Variants in PIK3AP1 observed in about 807,000 individuals in gnomAD.
The protein encoded by PIK3AP1 is phosphoinositide 3-kinase adapter protein 1.
In PIK3AP1, 21 loss-of-function variants were observed where a neutral mutation model predicts 88.1. The ratio of observed to expected loss-of-function variants is 0.24; its 90% CI spans 0.17 to 0.34. The LOEUF (loss-of-function observed/expected upper bound fraction) is 0.34. PIK3AP1 is among the 10% of genes least tolerant of loss of function. PIK3AP1 has a pLI of 1.00. For missense variants in PIK3AP1, 828 were observed against 1,035.7 expected (o/e 0.80, Z 2.75); for synonymous variants, 398 against 400.0 (o/e 1.00, Z 0.06).
chr10:96,719,564 A>C (rs1277958114), intron 1 of PIK3AP1, among the ~76,000 whole-genome samples: 1 of 152,148 alleles, frequency 6.6e-6, no homozygotes, highest in Non-Finnish European at 1.5e-5. Flanking sequence ...TTTCCTGCCC[A>C]CCATGGAGAA....
At chr10:96,606,377 A>G (rs1186860477) in intron 14 of PIK3AP1, among the ~76,000 whole-genome samples, 1 of 152,214 alleles carries the variant, frequency 6.6e-6, no homozygotes, top group Non-Finnish European at 1.5e-5. Context: ...ACGATGAGCC[A>G]TAATCCTTTT....
At chr10:96,664,270 A>G (rs1843731732) in intron 2 of PIK3AP1, among the ~76,000 whole-genome samples, 1 of 152,266 alleles carries the variant, frequency 6.6e-6, no homozygotes, top group African/African-American at 2.4e-5. Context: ...GCGAAAAAGC[A>G]GGATATAAAA....
intron 8 of PIK3AP1, among the ~76,000 whole-genome samples, chr10:96,636,705 G>T (rs183050540): frequency 6.6e-6 from 1 of 152,292 alleles, no homozygotes; most frequent in Non-Finnish European, 1.5e-5. Context: ...TTTCATTTCA[G>T]CAAAGAAAAA....
intron 10 of PIK3AP1, among the ~76,000 whole-genome samples, chr10:96,625,270 A>T (rs948502265): frequency 6.6e-6 from 1 of 152,160 alleles, no homozygotes; most frequent in Non-Finnish European, 1.5e-5. Flanking sequence ...GAGGGCAGAG[A>T]AGGTGCCAGG....
At chr10:96,696,248 A>T (rs1470561179) in intron 2 of PIK3AP1, among the ~76,000 whole-genome samples, 1 of 152,236 alleles carries the variant, frequency 6.6e-6, no homozygotes, top group Non-Finnish European at 1.5e-5. Context: ...TGAAAATTTT[A>T]AAAGTCCCCA....
chr10:96,612,950 G>GTGTGTGTATATA (rs1481031378), intron 13 of PIK3AP1, among the ~76,000 whole-genome samples: 1 of 59,682 alleles, frequency 1.7e-5, no homozygotes, highest in African/African-American at 7.8e-5. Flanking sequence ...GTGTGTGTGT[G>GTGTGTGTATATA]TATATATATA....
intron 2 of PIK3AP1, among the ~76,000 whole-genome samples, chr10:96,702,085 T>C (rs1844304864): frequency 6.6e-6 from 1 of 152,150 alleles, no homozygotes. Flanking sequence ...CTCACTTATA[T>C]GTGGAATCCA....
At chr10:96,620,306 A>C (rs781572163) in intron 12 of PIK3AP1, 46 bp downstream of exon 12, 1 of 1,590,982 alleles carries the variant, frequency 6.3e-7, no homozygotes. Flanking sequence ...CTCTACTGTC[A>C]AGTGGGGAAA....
In PIK3AP1 at chr10:96,629,971, AAAG is replaced by A. The variant is rs372132614; in HGVS notation, c.1376-1481_1376-1479del. On this transcript the variant is annotated intron_variant, in intron 8 of 16. Coordinates refer to ENST00000339364, the MANE Select transcript of PIK3AP1 (RefSeq NM_152309.3). ...AAGAAGAAGAAGAAAGGAAAAAAGA[AAAG>A]AAAAGAAACCCTGGAAGGAGATATA... 1.2e-3 allele frequency among the ~76,000 whole-genome samples: 182 copies of A among 150,728 alleles called. 2 individuals are homozygous for A. Among genetic ancestry groups the A allele is most frequent in the African/African-American group, 4.3e-3 (177 of 41,238 alleles).
Position 96,659,343 on chromosome 10 carries a change from G to C in PIK3AP1, c.431-2409C>G, listed in dbSNP as rs538909904. ...CTATTCTGAGTGGCCACAGTGGCTGGAGTGGCTCAAACTCTTACCAATTAC... is the reference window on the plus strand; with the variant it reads ...CTATTCTGAGTGGCCACAGTGGCTGCAGTGGCTCAAACTCTTACCAATTAC... On this transcript the variant is annotated intron_variant, in intron 2 of 16. Transcript: ENST00000339364. Among the ~76,000 whole-genome samples, 6 of 152,192 alleles carry C rather than the reference G, an allele frequency of 3.9e-5. No individual in the cohort carries two copies. In the East Asian group the frequency reaches 1.2e-3, roughly 29 times the overall value.
chr10:96,709,863 T>C lies in PIK3AP1; in HGVS notation c.134A>G (p.His45Arg). The change falls in exon 2 of 17, where the codon CAC (histidine) becomes CGC (arginine). Residue 45 changes from histidine (H) to arginine (R), a missense_variant. This residue lies in a region of PIK3AP1 where 610 missense variants were observed against 760.1 expected (regional missense o/e 0.80). Coordinates refer to ENST00000339364, the MANE Select transcript of PIK3AP1 (RefSeq NM_152309.3). Reference protein sequence around the residue: ...RQVRSQKILTHRLGPEASFSA... With the variant: ...RQVRSQKILTRRLGPEASFSA... ...GAAGGAGGCCTCGGGGCCCAGCCTG[T>C]GAGTCAGTATCTTCTGGCTGCGGAC... The C allele has an allele frequency of 6.2e-7, 1 of 1,613,936 alleles. No individual in the cohort carries two copies. Among genetic ancestry groups the C allele is most frequent in the Non-Finnish European group, 8.5e-7 (1 of 1,180,002 alleles).
chr10:96,635,102 T>C (rs761732872), intron 8 of PIK3AP1, among the ~76,000 whole-genome samples: 2 of 152,356 alleles, frequency 1.3e-5, no homozygotes, highest in Admixed American at 6.5e-5. Flanking sequence ...TCTCCATATC[T>C]TGAAGTCAGC....
intron 2 of PIK3AP1, among the ~76,000 whole-genome samples, chr10:96,703,214 A>T (rs1394896036): frequency 1.3e-5 from 2 of 152,092 alleles, no homozygotes; most frequent in African/African-American, 4.8e-5. Context: ...TAATATTCAG[A>T]CTAGAACATT....
At chr10:96,638,618 C>T (rs1564965081) in intron 8 of PIK3AP1, among the ~76,000 whole-genome samples, 1 of 152,188 alleles carries the variant, frequency 6.6e-6, no homozygotes, top group Non-Finnish European at 1.5e-5. Flanking sequence ...CTTATGCAGA[C>T]AAATGCCTCA....
intron 13 of PIK3AP1, among the ~76,000 whole-genome samples, chr10:96,615,836 G>A (rs1181855111): frequency 6.6e-6 from 1 of 152,176 alleles, no homozygotes; most frequent in African/African-American, 2.4e-5. Context: ...TGGGAAGTCA[G>A]GCAGCTGATG....
intron 16 of PIK3AP1, among the ~76,000 whole-genome samples, chr10:96,595,878 G>A (rs1366076013): frequency 6.6e-6 from 1 of 152,192 alleles, no homozygotes; most frequent in East Asian, 1.9e-4. Flanking sequence ...CAGACCCATC[G>A]CATTCTAAGC....
At chr10:96,648,234 C>T (rs912482) in intron 7 of PIK3AP1, among the ~76,000 whole-genome samples, 43,901 of 152,008 alleles carry the variant, frequency 0.29, 6,578 homozygotes, top group Middle Eastern at 0.43. Flanking sequence ...CACCATGGTG[C>T]CCTGGAGGCA....
chr10:96,651,896 A>C (rs563591767), intron 4 of PIK3AP1, among the ~76,000 whole-genome samples: 1 of 152,240 alleles, frequency 6.6e-6, no homozygotes, highest in Admixed American at 6.5e-5. Flanking sequence ...CTTAATTTTC[A>C]AAAAATTTTC....
intron 12 of PIK3AP1, among the ~76,000 whole-genome samples, chr10:96,618,023 G>A (rs544988449): frequency 4.7e-4 from 71 of 152,154 alleles, no homozygotes; most frequent in Non-Finnish European, 8.1e-4. Flanking sequence ...GGAAGATGAG[G>A]CCTCCACCCA....
Sources: gnomAD v4.1 joint callset for allele counts (sites outside exome capture counted in the v4.1 genomes callset) on GRCh38, gnomAD v4.1.1 for gene constraint, gnomAD v4.1.1 regional missense constraint, MANE v1.5 for transcripts, NCBI Gene and HGNC (gene_info 2026-07-23, HGNC 2026-07-21) for gene names.